The following KIAA0040 variants were observed in gnomAD, a reference collection of about 807,000 sequenced individuals.
KIAA0040 encodes the protein uncharacterized protein KIAA0040.
KIAA0040 carries 10 observed loss-of-function variants against 7.2 expected under a neutral mutation model. The observed-to-expected ratio is 1.38, with a 90% CI of 0.85 to 2.34. KIAA0040 has a LOEUF of 2.34. KIAA0040 is among the 30% of genes most tolerant of loss of function. The probability of loss-of-function intolerance (pLI) is 0.00; values close to 1 mark genes in which losing one functional copy is unlikely to be tolerated. For missense variants in KIAA0040, 89 were observed against 108.2 expected (o/e 0.82, Z 0.79); for synonymous variants, 49 against 40.1 (o/e 1.22, Z -0.84).
At chr1:175,171,183 T>C (rs12136973) in intron 2 of KIAA0040, among the ~76,000 whole-genome samples, 34,083 of 152,200 alleles carry the variant, frequency 0.22, 4,932 homozygotes, top group Admixed American at 0.4. Flanking sequence ...GGAGTATGGT[T>C]ATCTAATGTC....
chr1:175,160,937 G>T lies in KIAA0040; in HGVS notation c.77C>A (p.Thr26Asn). Residue 26 changes from threonine to asparagine, a missense_variant, in exon 4 of 4, where the codon ACC becomes AAC. By Grantham distance (65) the Thr-to-Asn change is moderately conservative (BLOSUM62 0). Coordinates refer to ENST00000423313, the MANE Select transcript of KIAA0040 (RefSeq NM_014656.3). ...LTKHQEGIYN[T>N]ICLGVLLGLP... ...GCCCAGGAGGACTCCCAGGCAGATG[G>T]TGTTGTAGATGCCTTCTTGGTGTTT... 3.9e-6 allele frequency: 6 copies of T among 1,551,604 alleles called. No individual in the cohort carries two copies. In the South Asian group the frequency reaches 7.1e-5, roughly 18 times the overall value.
At chr1:175,180,891 A>C (rs953268005) in intron 1 of KIAA0040, among the ~76,000 whole-genome samples, 18 of 152,306 alleles carry the variant, frequency 1.2e-4, no homozygotes, top group Non-Finnish European at 2.4e-4. Flanking sequence ...TCACTCTGTC[A>C]CCCAGGCTAG....
intron 1 of KIAA0040, among the ~76,000 whole-genome samples, chr1:175,192,284 C>G (rs1677893290): frequency 6.6e-6 from 1 of 152,238 alleles, no homozygotes; most frequent in Admixed American, 6.5e-5. Flanking sequence ...GCCCGCGATG[C>G]TTTCCGGAGG....
chr1:175,168,020 G>A (rs1676837799), intron 2 of KIAA0040, among the ~76,000 whole-genome samples: 1 of 151,916 alleles, frequency 6.6e-6, no homozygotes. Flanking sequence ...CCTTGCCCCA[G>A]CTCTCAAACC....
At chr1:175,185,120 C>T (rs994936395) in intron 1 of KIAA0040, among the ~76,000 whole-genome samples, 1 of 151,992 alleles carries the variant, frequency 6.6e-6, no homozygotes, top group African/African-American at 2.4e-5. Flanking sequence ...TGATAGGACA[C>T]TGAAATGCAC....
chr1:175,191,212 T>A (rs6677935), intron 1 of KIAA0040, among the ~76,000 whole-genome samples: 1 of 152,062 alleles, frequency 6.6e-6, no homozygotes, highest in Non-Finnish European at 1.5e-5. Flanking sequence ...CACGGTAGGT[T>A]TGGCAAATGT....
chr1:175,167,085 A>T (rs1015025394), intron 2 of KIAA0040, among the ~76,000 whole-genome samples: 1 of 152,186 alleles, frequency 6.6e-6, no homozygotes, highest in Non-Finnish European at 1.5e-5. Context: ...AGTGCCACGA[A>T]CAAGACCCCA....
intron 1 of KIAA0040, among the ~76,000 whole-genome samples, chr1:175,181,928 T>C (rs568329080): frequency 1.3e-5 from 2 of 152,308 alleles, no homozygotes; most frequent in East Asian, 3.9e-4. Flanking sequence ...AACCTCCCGA[T>C]GTTAAGGCTT....
intron 3 of KIAA0040, among the ~76,000 whole-genome samples, chr1:175,164,836 CAATCA>C (rs1676692955): frequency 9.9e-6 from 1 of 101,382 alleles, no homozygotes; most frequent in South Asian, 4.3e-4. Flanking sequence ...TTCCAGAAAA[CAATCA>C]AATATCTCCT....
At position 175,161,024 on chromosome 1, in the gene KIAA0040, T is replaced by G; in HGVS notation, c.-11A>C. 1 of 1,545,656 alleles carries G rather than the reference T, an allele frequency of 6.5e-7. No homozygotes were observed. ...ACTGATTCTCTCCATGGTGCTTGGCTAGATTAGGGCCAGAGAACCCTCTCG... is the reference window on the plus strand; with the variant it reads ...ACTGATTCTCTCCATGGTGCTTGGCGAGATTAGGGCCAGAGAACCCTCTCG... On this transcript the variant is annotated 5_prime_UTR_variant, in exon 4 of 4. Transcript: ENST00000423313.
intron 1 of KIAA0040, among the ~76,000 whole-genome samples, chr1:175,185,947 T>C (rs1677642916): frequency 6.6e-6 from 1 of 152,230 alleles, no homozygotes; most frequent in Admixed American, 6.5e-5. Flanking sequence ...AGGTCACATA[T>C]TGTATAATTC....
At chr1:175,176,704 T>TTTTTTTTCCTC (rs1677212753) in intron 2 of KIAA0040, among the ~76,000 whole-genome samples, 1 of 98,376 alleles carries the variant, frequency 1.0e-5, no homozygotes, top group Non-Finnish European at 2.2e-5. Flanking sequence ...TTTTTTTGCT[T>TTTTTTTTCCTC]CAGCACCTTC....
chr1:175,192,277 C>A (rs1202351948), intron 1 of KIAA0040, among the ~76,000 whole-genome samples: 2 of 152,172 alleles, frequency 1.3e-5, no homozygotes, highest in Non-Finnish European at 2.9e-5. Context: ...CACCTAAGCC[C>A]GCGATGCTTT....
At chr1:175,176,669 CTTTTTTTTTTTT>C (rs34859478) in intron 2 of KIAA0040, among the ~76,000 whole-genome samples, 6 of 27,440 alleles carry the variant, frequency 2.2e-4, no homozygotes, top group Admixed American at 8.9e-4. Context: ...AAGTAGCATG[CTTTTTTTTTTTT>C]TTTTTTTTTT....
chr1:175,180,488 T>C (rs952613079), intron 1 of KIAA0040, among the ~76,000 whole-genome samples: 1 of 152,242 alleles, frequency 6.6e-6, no homozygotes, highest in African/African-American at 2.4e-5. Flanking sequence ...ACAGATCATG[T>C]TGGTCAGCTG....
At position 175,160,908 on chromosome 1, in the gene KIAA0040, G is replaced by T. The variant is rs750658533; in HGVS notation, c.106C>A (p.Pro36Thr). The T allele has an allele frequency of 4.5e-6, 7 of 1,551,506 alleles. No individual in the cohort carries two copies. ...AGGAGTGTGATGATCACCAAGAGTG[G>T]CAGGCCCAGGAGGACTCCCAGGCAG... ...TICLGVLLGL[P>T]LLVIITLLFI... is the part of the protein sequence containing the mutation. The change falls in exon 4 of 4, where the codon CCA becomes ACA. Residue 36 changes from proline (P) to threonine (T), a missense_variant. Transcript: ENST00000423313.
intron 1 of KIAA0040, among the ~76,000 whole-genome samples, chr1:175,180,087 C>A (rs373883143): frequency 1.3e-5 from 2 of 152,180 alleles, no homozygotes; most frequent in African/African-American, 4.8e-5. Context: ...GCTCCCTACC[C>A]CATCTCCTGG....
chr1:175,164,443 G>A (rs528903336), intron 3 of KIAA0040, among the ~76,000 whole-genome samples: 23 of 152,308 alleles, frequency 1.5e-4, no homozygotes, highest in African/African-American at 5.3e-4. Context: ...AGATTGCTTA[G>A]TTGGCTGAAG....
chr1:175,169,703 T>C (rs768249185), intron 2 of KIAA0040, among the ~76,000 whole-genome samples: 35 of 152,314 alleles, frequency 2.3e-4, no homozygotes, highest in South Asian at 1.0e-3. Context: ...CATCATTCTC[T>C]TTCAAAGCGA....
Sources: gnomAD v4.1 joint callset for allele counts (sites outside exome capture counted in the v4.1 genomes callset) on GRCh38, gnomAD v4.1.1 for gene constraint, MANE v1.5 for transcripts, NCBI Gene and HGNC (gene_info 2026-07-23, HGNC 2026-07-21) for gene names.